FBLN1: variants seen among roughly 807,000 people sequenced by gnomAD.
The protein encoded by FBLN1 is fibulin 1, also known as fibulin-1.
In FBLN1, 34 loss-of-function variants were observed where a neutral mutation model predicts 89.7. The ratio of observed to expected loss-of-function variants is 0.38; its 90% CI spans 0.29 to 0.50. FBLN1 has a LOEUF of 0.50. FBLN1 is among the 20% of genes least tolerant of loss of function. The probability of loss-of-function intolerance (pLI) is 0.92; values close to 1 mark genes in which losing one functional copy is unlikely to be tolerated. For synonymous variants in FBLN1, 393 were observed against 391.3 expected (o/e 1.00, Z -0.05); for missense variants, 777 against 988.1 (o/e 0.79, Z 2.86).
intron 7 of FBLN1, among the ~76,000 whole-genome samples, chr22:45,534,368 A>G (rs2088456100): frequency 6.6e-6 from 1 of 151,072 alleles, no homozygotes; most frequent in Admixed American, 6.6e-5. Context: ...GCTGCCTTCC[A>G]TCCAAATCCA....
At chr22:45,540,279 TG>T (rs1183334971) in intron 8 of FBLN1, among the ~76,000 whole-genome samples, 2 of 152,186 alleles carry the variant, frequency 1.3e-5, no homozygotes, top group Non-Finnish European at 2.9e-5. Flanking sequence ...CAGGCAGTAA[TG>T]ATAGTGATAC....
chr22:45,565,256 C>G, intron 14 of FBLN1: 1 of 1,375,026 alleles, frequency 7.3e-7, no homozygotes, highest in South Asian at 1.2e-5. Context: ...TGTCTTTTCC[C>G]AGCAGATGAA....
chr22:45,553,092 C>G (rs139114818), intron 14 of FBLN1, among the ~76,000 whole-genome samples: 8 of 152,332 alleles, frequency 5.3e-5, no homozygotes, highest in Non-Finnish European at 1.0e-4. Flanking sequence ...TTGGCCAGTT[C>G]CTGGGGCTTG....
rs1015344301 is a variant in FBLN1, at chr22:45,541,278, A to G, written c.972A>G (p.Thr324=). Residue 324 remains threonine (T), a synonymous_variant, in exon 9 of 17, where the codon ACA becomes ACG. Transcript: ENST00000327858. ...GTGCCCCGTGCCCTATCGGGCATACATGCATCAACACAGAGGGCTCCTACA... is the reference window on the plus strand; with the variant it reads ...GTGCCCCGTGCCCTATCGGGCATACGTGCATCAACACAGAGGGCTCCTACA... ...SISAPCPIGH[T]CINTEGSYTC... 4 of 1,614,096 alleles carry G rather than the reference A, an allele frequency of 2.5e-6. No homozygotes were observed. In the African/African-American group the frequency reaches 4.0e-5, roughly 16 times the overall value.
Position 45,532,957 on chromosome 22 carries a change from G to A in FBLN1, c.545-106G>A. ...CAGCCAGGTCAGCCTGCCTTCCTGG[G>A]TTCGTCTGCCCAGAGGGCGTTTTCT... On this transcript the variant is annotated intron_variant, in intron 5 of 16. Transcript: ENST00000327858. The surrounding 1 kb of genome is among the most constrained non-coding windows in gnomAD (Gnocchi z 4.2). The A allele has an allele frequency of 9.8e-7, 1 of 1,018,848 alleles. No individual in the cohort carries two copies. The highest frequency in any genetic ancestry group is 1.9e-5 in the Admixed American group (1 of 52,488). The allele number at this position is 1,018,848 out of a possible 1,614,324, so 63.1% of individuals were successfully genotyped here.
At chr22:45,511,881 G>A (rs2088106281) in intron 1 of FBLN1, among the ~76,000 whole-genome samples, 2 of 152,166 alleles carry the variant, frequency 1.3e-5, no homozygotes, top group African/African-American at 2.4e-5. Flanking sequence ...GAAGGTTAAC[G>A]AGATTTTGCA....
At position 45,547,091 on chromosome 22, in the gene FBLN1, A is replaced by G. The variant is rs1448100542; in HGVS notation, c.1328A>G (p.Asn443Ser). The G allele has an allele frequency of 3.1e-6, 5 of 1,614,074 alleles. No homozygotes were observed. The highest frequency in any genetic ancestry group is 1.1e-5 in the South Asian group (1 of 91,080). The change falls in exon 12 of 17, where the codon AAT (asparagine) becomes AGT (serine). Residue 443 changes from asparagine (N) to serine (S), a missense_variant. Asn to Ser is a conservative substitution (Grantham distance 46, BLOSUM62 1). Transcript: ENST00000327858. ...CCCTCGTTTTGTATTTCAGACATCA[A>G]TGAGTGCAGCAGCAGCCCCTGTAGC... ...SVDGRSCEDINECSSSPCSQE... is the reference protein window; with the variant it reads ...SVDGRSCEDISECSSSPCSQE...
chr22:45,531,325 G>T lies in FBLN1; in HGVS notation c.544+1G>T. On this transcript the variant is annotated splice_donor_variant, in intron 5 of 16. Coordinates refer to ENST00000327858, the MANE Select transcript of FBLN1 (RefSeq NM_006486.3). LOFTEE classifies it high-confidence loss of function. The surrounding 1 kb of genome is among the most constrained non-coding windows in gnomAD (Gnocchi z 4.9). ...CCATATCTGAATGACCGCTGCCGAG[G>T]TGAGACTCGGGCGTCTCCCATCAGT... 6.2e-7 allele frequency: 1 copy of T among 1,613,610 alleles called. No homozygotes were observed. Among genetic ancestry groups the T allele is most frequent in the South Asian group, 1.1e-5 (1 of 91,072 alleles).
chr22:45,537,009 G>A lies in FBLN1; in HGVS notation c.922+1672G>A, dbSNP rs1349548157. Among the ~76,000 whole-genome samples, 2 of 152,162 alleles carry A rather than the reference G, an allele frequency of 1.3e-5. No individual in the cohort carries two copies. Among genetic ancestry groups the A allele is most frequent in the Non-Finnish European group, 2.9e-5 (2 of 68,028 alleles). On this transcript the variant is annotated intron_variant, in intron 8 of 16. Transcript: ENST00000327858. This position sits in a 1 kb window ranked among gnomAD's most constrained non-coding sequence, Gnocchi z 5.7. ...GCCTGGCTAGGCCGCTGCAGTCAGC[G>A]CTTAAGTCCTGATCCACCGGCTCTC...
intron 2 of FBLN1, chr22:45,523,034 C>T (rs2088271364): frequency 3.1e-6 from 2 of 645,546 alleles, no homozygotes; most frequent in African/African-American, 1.8e-5. Context: ...CAGGATGTGC[C>T]GTGGGGGAAA....
At chr22:45,517,177 G>T (rs764067545) in intron 1 of FBLN1, among the ~76,000 whole-genome samples, 1 of 152,246 alleles carries the variant, frequency 6.6e-6, no homozygotes, top group African/African-American at 2.4e-5. Flanking sequence ...TTGTGTGTGC[G>T]GAAACGCTGC....
intron 1 of FBLN1, among the ~76,000 whole-genome samples, chr22:45,515,109 C>A (rs2088151696): frequency 6.6e-6 from 1 of 152,168 alleles, no homozygotes; most frequent in Non-Finnish European, 1.5e-5. Context: ...GGAGTGAGAG[C>A]CGGTGAATGA....
In FBLN1 at chr22:45,526,044, C is replaced by A. The variant is rs996861242; in HGVS notation, c.321+366C>A. ...ATTCAGGGTCGGCACCCTCACCCTA[C>A]CCAGGAGGCTCTCAGGCTTCTCTAC... On this transcript the variant is annotated intron_variant, in intron 3 of 16. Coordinates refer to ENST00000327858, the MANE Select transcript of FBLN1 (RefSeq NM_006486.3). Among the ~76,000 whole-genome samples the A allele has an allele frequency of 4.6e-5, 7 of 152,190 alleles. 1 individual carries two copies. Among genetic ancestry groups the A allele is most frequent in the African/African-American group, 1.7e-4 (7 of 41,448 alleles).
intron 8 of FBLN1, among the ~76,000 whole-genome samples, chr22:45,539,337 A>G (rs997724316): frequency 2.0e-5 from 3 of 149,838 alleles, no homozygotes; most frequent in African/African-American, 7.4e-5. Flanking sequence ...AGTAGCTGGG[A>G]TTACAGGTGC....
Position 45,527,902 on chromosome 22 carries a change from G to C in FBLN1, c.377G>C (p.Cys126Ser). 6.2e-7 allele frequency: 1 copy of C among 1,614,190 alleles called. No homozygotes were observed. Among genetic ancestry groups the C allele is most frequent in the South Asian group, 1.1e-5 (1 of 91,078 alleles). Residue 126 changes from cysteine to serine, a missense_variant, in exon 4 of 17, where the codon TGC (cysteine) becomes TCC (serine). By Grantham distance (112) the Cys-to-Ser change is moderately radical. Transcript: ENST00000327858. ...GRAAQAQGQS[C>S]EYSLMVGYQC... Reference sequence around the variant, plus strand: ...GCGGCCCAGGCCCAGGGCCAGAGCTGCGAGTACAGCCTCATGGTTGGCTAC... The same window carrying C: ...GCGGCCCAGGCCCAGGGCCAGAGCTCCGAGTACAGCCTCATGGTTGGCTAC...
chr22:45,519,109 G>A (rs1022970004), intron 2 of FBLN1, among the ~76,000 whole-genome samples: 6 of 151,842 alleles, frequency 4.0e-5, no homozygotes, highest in African/African-American at 1.5e-4. Context: ...ACAGTTGTGG[G>A]GGAGCAAAGG....
At chr22:45,525,197 AAG>A (rs758787667) in intron 2 of FBLN1, among the ~76,000 whole-genome samples, 5 of 140,034 alleles carry the variant, frequency 3.6e-5, no homozygotes, top group Non-Finnish European at 6.3e-5. Flanking sequence ...GAGAGAGAGA[AAG>A]AGAGAAAGAA....
rs1431118848 is a variant in FBLN1, at chr22:45,572,921, A to G, written c.1698-1590A>G. On this transcript the variant is annotated intron_variant, in intron 14 of 16. Coordinates refer to ENST00000327858, the MANE Select transcript of FBLN1 (RefSeq NM_006486.3). This position sits in a 1 kb window ranked among gnomAD's most constrained non-coding sequence, Gnocchi z 5.8. ...TCAAATTCTTCAGGTTCTTTAATAG[A>G]TAAGTTGTATGGAAAATAAAGGAGG... Among the ~76,000 whole-genome samples, 1 of 152,234 alleles carries G rather than the reference A, an allele frequency of 6.6e-6. No individual in the cohort carries two copies. Among genetic ancestry groups the G allele is most frequent in the Non-Finnish European group, 1.5e-5 (1 of 68,044 alleles).
rs1357120975 is a variant in FBLN1 at position 45,552,690 on chromosome 22, C to T, written c.1697+2075C>T. ...CTGCAGAGTCCGCTGCTGTGCCTTT[C>T]TCTCTCTCTCCACTCAGACGGCTTC... On this transcript the variant is annotated intron_variant, in intron 14 of 16. Transcript: ENST00000327858. 3.3e-5 allele frequency among the ~76,000 whole-genome samples: 5 copies of T among 152,120 alleles called. No individual in the cohort carries two copies. In the East Asian group the frequency reaches 9.6e-4, roughly 29 times the overall value.
Sources: allele counts gnomAD v4.1 joint callset (sites outside exome capture counted in the v4.1 genomes callset), GRCh38; gene constraint gnomAD v4.1.1; non-coding constraint Gnocchi (gnomAD v3.1); transcripts MANE v1.5; gene names NCBI Gene and HGNC (gene_info 2026-07-23, HGNC 2026-07-21).